ZSCAN5A: variants seen among roughly 807,000 people sequenced by gnomAD.
The protein encoded by ZSCAN5A is zinc finger and SCAN domain containing 5A, also known as zinc finger and SCAN domain-containing protein 5A.
Under a neutral mutation model 23.7 loss-of-function variants are expected in ZSCAN5A, and 12 were observed. The ratio of observed to expected loss-of-function variants is 0.51; its 90% CI spans 0.32 to 0.82. The LOEUF is 0.82. Among genes scored for constraint, ZSCAN5A ranks in the 40% least tolerant of loss-of-function variants. ZSCAN5A has a pLI of 0.03. For missense variants in ZSCAN5A, 597 were observed against 617.9 expected, an observed-to-expected ratio of 0.97 and a Z score of 0.36; for synonymous variants, 257 against 239.9, an observed-to-expected ratio of 1.07 and a Z score of -0.66.
At chr19:56,234,113 T>C (rs1297261841) in intron 2 of ZSCAN5A, among the ~76,000 whole-genome samples, 2 of 151,508 alleles carry the variant, frequency 1.3e-5, no homozygotes, top group Admixed American at 1.3e-4. Context: ...GGAGAGGAGG[T>C]GTGTGGGATA....
intron 2 of ZSCAN5A, among the ~76,000 whole-genome samples, chr19:56,355,164 C>T (rs1232491146): frequency 2.4e-5 from 3 of 125,394 alleles, no homozygotes; most frequent in African/African-American, 6.6e-5. Context: ...ACGGGTCTCC[C>T]ATACATAATT....
chr19:56,349,235 C>T (rs955411685), intron 2 of ZSCAN5A, among the ~76,000 whole-genome samples: 1 of 152,144 alleles, frequency 6.6e-6, no homozygotes, highest in African/African-American at 2.4e-5. Context: ...GTCACCTTCC[C>T]TAAGCCAAGC....
At chr19:56,257,988 G>A (rs1257705699) in intron 2 of ZSCAN5A, among the ~76,000 whole-genome samples, 1 of 132,500 alleles carries the variant, frequency 7.5e-6, no homozygotes, top group African/African-American at 3.2e-5. Flanking sequence ...AGACACAGGC[G>A]CCGGGAGACT....
chr19:56,364,825 C>G (rs531915852), intron 1 of ZSCAN5A: 2 of 152,254 alleles, frequency 1.3e-5, no homozygotes, highest in Middle Eastern at 3.4e-3. Flanking sequence ...ATATTGTATA[C>G]TATTCTAAGA....
rs1168030056 is a variant in ZSCAN5A, at chr19:56,223,762, T to G, written c.457A>C (p.Ser153Arg). ...ACGTCTTTCAGATCATCTCTGACAC[T>G]GGAGGGGGCTTCAGCCATCTCGATA... is the stretch of plus-strand genomic sequence containing the variant. ...SDIEMAEAPS[S>R]VRDDLKDVSS... is the part of the protein sequence containing the mutation. Residue 153 changes from serine (S) to arginine (R), a missense_variant, in exon 4 of 6, where the codon AGT becomes CGT. By Grantham distance (110) the Ser-to-Arg change is moderately radical. Transcript: ENST00000683990. The G allele has an allele frequency of 1.2e-6, 2 of 1,613,984 alleles. No individual in the cohort carries two copies. Among genetic ancestry groups the G allele is most frequent in the Non-Finnish European group, 1.7e-6 (2 of 1,180,018 alleles).
intron 2 of ZSCAN5A, among the ~76,000 whole-genome samples, chr19:56,247,786 G>A (rs1449796422): frequency 6.6e-6 from 1 of 152,124 alleles, no homozygotes; most frequent in Non-Finnish European, 1.5e-5. Flanking sequence ...CAGTCTCCCA[G>A]GTTCACATCA....
chr19:56,360,651 C>A (rs2041728315), intron 2 of ZSCAN5A, among the ~76,000 whole-genome samples: 1 of 151,926 alleles, frequency 6.6e-6, no homozygotes, highest in African/African-American at 2.4e-5. Context: ...TGAAACTGGA[C>A]CCTTTATTAC....
chr19:56,366,437 A>AG (rs1016575023), intron 1 of ZSCAN5A, among the ~76,000 whole-genome samples: 15 of 151,836 alleles, frequency 9.9e-5, no homozygotes, highest in African/African-American at 3.1e-4. Flanking sequence ...AAAAAAAAAA[A>AG]AAAAAAGAAA....
intron 2 of ZSCAN5A, among the ~76,000 whole-genome samples, chr19:56,232,773 G>A (rs997805782): frequency 6.6e-6 from 1 of 151,956 alleles, no homozygotes; most frequent in Non-Finnish European, 1.5e-5. Flanking sequence ...CCACCTCTCA[G>A]GCTCAAGCAA....
At chr19:56,287,433 A>C (rs2039208448) in intron 2 of ZSCAN5A, among the ~76,000 whole-genome samples, 1 of 151,998 alleles carries the variant, frequency 6.6e-6, no homozygotes. Context: ...TTGCCTGCGG[A>C]GCTACACAGT....
chr19:56,317,500 G>A (rs1352289217), upstream of ZSCAN5A: 2 of 152,350 alleles, frequency 1.3e-5, no homozygotes, highest in African/African-American at 2.4e-5. Flanking sequence ...CATGAACTGA[G>A]GGTCCTTGTT....
At chr19:56,233,828 A>G (rs2034664281) in intron 2 of ZSCAN5A, among the ~76,000 whole-genome samples, 1 of 152,064 alleles carries the variant, frequency 6.6e-6, no homozygotes, top group African/African-American at 2.4e-5. Context: ...AAGTGGATGC[A>G]CTGTAACAAG....
In ZSCAN5A at chr19:56,271,263, CCTTT is replaced by C. The variant is rs2037828445; in HGVS notation, c.-128+42016_-128+42019del. Reference sequence around the variant, plus strand: ...CCAACCAGGCACTCTTGAAGCCTTCCCTTTCTTTCACTATAAGCTTTCCCACTAC... The same window carrying C: ...CCAACCAGGCACTCTTGAAGCCTTCCCTTTCACTATAAGCTTTCCCACTAC... On this transcript the variant is annotated intron_variant, in intron 2 of 5. Coordinates refer to ENST00000683990, the MANE Select transcript of ZSCAN5A (RefSeq NM_001322064.3). Among the ~76,000 whole-genome samples the C allele has an allele frequency of 2.0e-5, 3 of 152,170 alleles. No individual in the cohort carries two copies. The East Asian group carries it at 5.8e-4, about 29-fold the overall frequency.
At chr19:56,285,239 GTTT>G (rs535375628) in intron 2 of ZSCAN5A, among the ~76,000 whole-genome samples, 168 of 152,302 alleles carry the variant, frequency 1.1e-3, no homozygotes, top group African/African-American at 3.8e-3. Flanking sequence ...ATGCTGTGGA[GTTT>G]TTTAAGTTTT....
At chr19:56,264,127 G>C (rs1404199018) in intron 2 of ZSCAN5A, among the ~76,000 whole-genome samples, 1 of 152,082 alleles carries the variant, frequency 6.6e-6, no homozygotes, top group Non-Finnish European at 1.5e-5. Flanking sequence ...CTGAGTAGCT[G>C]GGATTGCAGG....
intron 2 of ZSCAN5A, among the ~76,000 whole-genome samples, chr19:56,312,669 T>C (rs2041112575): frequency 6.6e-6 from 1 of 152,254 alleles, no homozygotes; most frequent in African/African-American, 2.4e-5. Context: ...TATAAGATGT[T>C]AACAGTAGTG....
chr19:56,319,327 C>A (rs2041349629), upstream of ZSCAN5A, among the ~76,000 whole-genome samples: 1 of 151,778 alleles, frequency 6.6e-6, no homozygotes, highest in Non-Finnish European at 1.5e-5. Context: ...GAAACCCCAT[C>A]TCTACTAAAA....
intron 2 of ZSCAN5A, chr19:56,245,346 A>T: frequency 1.3e-6 from 1 of 751,842 alleles, no homozygotes; most frequent in Non-Finnish European, 2.5e-6. Context: ...TCCTCTGTGA[A>T]TGAGATGCGT....
At chr19:56,296,411 T>C (rs2039876698) in intron 2 of ZSCAN5A, 1 of 146,198 alleles carries the variant, frequency 6.8e-6, no homozygotes, top group Non-Finnish European at 1.5e-5. Flanking sequence ...CACAGAAATA[T>C]ACAGGTACTG....
Sources: allele counts gnomAD v4.1 joint callset (sites outside exome capture counted in the v4.1 genomes callset), GRCh38; gene constraint gnomAD v4.1.1; transcripts MANE v1.5; gene names NCBI Gene and HGNC (gene_info 2026-07-23, HGNC 2026-07-21).